Variants in MYO5C observed in about 807,000 individuals in gnomAD.
MYO5C encodes the protein unconventional myosin-Vc.
In MYO5C, 194 loss-of-function variants were observed where a neutral mutation model predicts 235.7. The ratio of observed to expected loss-of-function variants is 0.82; its 90% CI spans 0.73 to 0.93. The LOEUF is 0.93. Ranked by LOEUF, MYO5C falls within the 40% of genes least tolerant of loss-of-function variation. The probability of loss-of-function intolerance (pLI) is 0.00; values close to 1 mark genes in which losing one functional copy is unlikely to be tolerated. For synonymous variants in MYO5C, 707 were observed against 754.8 expected (o/e 0.94, Z 1.04); for missense variants, 2,038 against 2,127.2 (o/e 0.96, Z 0.82).
chr15:52,286,404 G>T (rs1315012219), intron 1 of MYO5C, among the ~76,000 whole-genome samples: 6 of 152,074 alleles, frequency 3.9e-5, no homozygotes, highest in Non-Finnish European at 8.8e-5. Flanking sequence ...GAAGTGAGGA[G>T]CCCCTCTGCC....
At chr15:52,271,900 C>T in intron 6 of MYO5C, 56 bp from the exon 7 acceptor site, 3 of 1,212,756 alleles carry the variant, frequency 2.5e-6, no homozygotes, top group Middle Eastern at 1.9e-4. Flanking sequence ...AGCAAAAATG[C>T]CAGGTTTTTA....
At chr15:52,263,922 C>T (rs556902519) in intron 9 of MYO5C, among the ~76,000 whole-genome samples, 224 of 152,228 alleles carry the variant, frequency 1.5e-3, no homozygotes, top group African/African-American at 4.9e-3. Flanking sequence ...TATGACAGTC[C>T]GTGGCACTTA....
intron 1 of MYO5C, among the ~76,000 whole-genome samples, chr15:52,288,552 G>C (rs1289953176): frequency 6.6e-6 from 1 of 152,178 alleles, no homozygotes; most frequent in African/African-American, 2.4e-5. Flanking sequence ...AGTTTACTCA[G>C]CTCCGGGTAA....
At chr15:52,232,841 G>A (rs2035996908) in intron 23 of MYO5C, among the ~76,000 whole-genome samples, 156 bp from the exon 24 acceptor site, 1 of 152,106 alleles carries the variant, frequency 6.6e-6, no homozygotes, top group Non-Finnish European at 1.5e-5. Flanking sequence ...TTATAAACAA[G>A]AAATAAAGAT....
At chr15:52,245,489 G>A (rs1331939742) in intron 17 of MYO5C, 24 bp from the exon 18 acceptor site, 2 of 1,536,600 alleles carry the variant, frequency 1.3e-6, no homozygotes, top group South Asian at 1.1e-5. Context: ...GGGGATCAAA[G>A]CCAGGAGTGT....
chr15:52,213,013 C>A (rs1302286035), intron 34 of MYO5C, among the ~76,000 whole-genome samples, 175 bp downstream of exon 34: 1 of 152,150 alleles, frequency 6.6e-6, no homozygotes, highest in Non-Finnish European at 1.5e-5. Context: ...CTTTGTTACT[C>A]CCCATTCACA....
rs147960202 is a variant in MYO5C at position 52,231,851 on chromosome 15, T to C, written c.3026+771A>G. On this transcript the variant is annotated intron_variant, in intron 24 of 40. Transcript: ENST00000261839. The stretch of plus-strand genomic sequence containing the variant: ...AGCCCAGATTGGAGTCCTTGGAGGT[T>C]AGCAAAGGGTTTGCTATTGAGATAG... Among the ~76,000 whole-genome samples, 553 of 152,324 alleles carry C rather than the reference T, an allele frequency of 3.6e-3. 4 individuals are homozygous for C. The highest frequency in any genetic ancestry group is 0.013 in the African/African-American group (539 of 41,556).
At position 52,219,748 on chromosome 15, in the gene MYO5C, T is replaced by C. The variant is rs764639073; in HGVS notation, c.3785+11A>G. The C allele has an allele frequency of 8.6e-5, 138 of 1,602,482 alleles. No homozygotes were observed. Among genetic ancestry groups the C allele is most frequent in the Admixed American group, 1.8e-4 (11 of 59,816 alleles). ...AGCATGAACTTGAGGTACACACATATTTACACTTACTTTCTTTGTGTTCCT... is the reference window on the plus strand; with the variant it reads ...AGCATGAACTTGAGGTACACACATACTTACACTTACTTTCTTTGTGTTCCT... On this transcript the variant is annotated intron_variant, in intron 31 of 40. Transcript: ENST00000261839.
intron 24 of MYO5C, among the ~76,000 whole-genome samples, chr15:52,231,808 A>G (rs1180494119): frequency 6.6e-6 from 1 of 151,946 alleles, no homozygotes; most frequent in Non-Finnish European, 1.5e-5. Context: ...AAAACCTTTG[A>G]CTCCTTAAGA....
Position 52,214,642 on chromosome 15 carries a change from G to A in MYO5C, c.4003C>T (p.Gln1335Ter). The A allele has an allele frequency of 6.2e-7, 1 of 1,607,926 alleles. No homozygotes were observed. The highest frequency in any genetic ancestry group is 8.5e-7 in the Non-Finnish European group (1 of 1,177,150). The change falls in exon 33 of 41, where the codon CAA (glutamine) becomes TAA (stop). Residue 1335 changes from glutamine (Q) to a stop codon, truncating the protein, a stop_gained. Transcript: ENST00000261839. LOFTEE classifies it high-confidence loss of function. The stretch of plus-strand genomic sequence containing the variant: ...TTGCTTAGTGTCTTGACTTGATCTT[G>A]TAGCTTTTTAATCACTCTGTCTTTC... ...DMKDRVIKKL[Q>*]DQVKTLSKTI...
At chr15:52,264,460 C>T (rs1456570188) in intron 8 of MYO5C, among the ~76,000 whole-genome samples, 164 bp from the exon 9 acceptor site, 1 of 152,118 alleles carries the variant, frequency 6.6e-6, no homozygotes, top group Admixed American at 6.5e-5. Context: ...TCCTTCTAGT[C>T]GACCTCTGTA....
chr15:52,249,280 T>C (rs1421937280), intron 13 of MYO5C, among the ~76,000 whole-genome samples: 1 of 152,138 alleles, frequency 6.6e-6, no homozygotes, highest in Non-Finnish European at 1.5e-5. Context: ...TGGGTCAACC[T>C]TTGCACTGCT....
At position 52,295,650 on chromosome 15, in the gene MYO5C, C is replaced by T; in HGVS notation, c.-14G>A. On this transcript the variant is annotated 5_prime_UTR_variant, in exon 1 of 41. Coordinates refer to ENST00000261839, the MANE Select transcript of MYO5C (RefSeq NM_018728.4). Reference sequence around the variant, plus strand: ...GGCCACCGCCATGGGCAGGAGGGGCCGGGGCCAGGCCGGGGCTGCCGAACG... The same window carrying T: ...GGCCACCGCCATGGGCAGGAGGGGCTGGGGCCAGGCCGGGGCTGCCGAACG... The T allele has an allele frequency of 6.9e-7, 1 of 1,455,794 alleles. No individual in the cohort carries two copies. The highest frequency in any genetic ancestry group is 9.0e-7 in the Non-Finnish European group (1 of 1,107,252). The allele number at this position is 1,455,794 out of a possible 1,614,324, so 90.2% of individuals were successfully genotyped here. A position where few individuals can be genotyped will look rare whatever the true frequency, so the allele number is the denominator to read the frequency against.
At chr15:52,241,929 G>C in intron 20 of MYO5C, 119 bp downstream of exon 20, 1 of 1,143,972 alleles carries the variant, frequency 8.7e-7, no homozygotes, top group Non-Finnish European at 1.2e-6. Context: ...TTTCTGGCTT[G>C]GCTGACACTT....
intron 1 of MYO5C, among the ~76,000 whole-genome samples, chr15:52,290,365 A>G (rs1047295031): frequency 1.3e-5 from 2 of 152,130 alleles, no homozygotes; most frequent in Non-Finnish European, 2.9e-5. Context: ...GGTATATAGA[A>G]GTCTAAAAAC....
intron 24 of MYO5C, among the ~76,000 whole-genome samples, chr15:52,230,479 G>A (rs554928734): frequency 1.4e-3 from 219 of 151,714 alleles, no homozygotes; most frequent in African/African-American, 5.2e-3. Flanking sequence ...CATGATCTCA[G>A]CTCACTGCAA....
intron 14 of MYO5C, among the ~76,000 whole-genome samples, chr15:52,248,260 C>G (rs1181855232): frequency 1.3e-5 from 2 of 152,148 alleles, no homozygotes; most frequent in African/African-American, 4.8e-5. Context: ...TTCCCCACCT[C>G]AGCCTCCCAA....
chr15:52,281,926 C>T (rs2037169582), intron 2 of MYO5C, among the ~76,000 whole-genome samples: 1 of 152,234 alleles, frequency 6.6e-6, no homozygotes, highest in South Asian at 2.1e-4. Flanking sequence ...CACAAATCCC[C>T]TGCCCAGTTC....
chr15:52,287,308 C>T (rs926070601), intron 1 of MYO5C, among the ~76,000 whole-genome samples: 1 of 152,202 alleles, frequency 6.6e-6, no homozygotes, highest in African/African-American at 2.4e-5. Context: ...CACACAGACA[C>T]GCCTGTCTCA....
Sources: gnomAD v4.1 joint callset for allele counts (sites outside exome capture counted in the v4.1 genomes callset) on GRCh38, gnomAD v4.1.1 for gene constraint, MANE v1.5 for transcripts, NCBI Gene and HGNC (gene_info 2026-07-23, HGNC 2026-07-21) for gene names.